The following LGSN variants were observed in gnomAD, a reference collection of about 807,000 sequenced individuals.
The protein encoded by LGSN is lengsin, lens protein with glutamine synthetase domain, also known as lengsin.
Under a neutral mutation model 19.5 loss-of-function variants are expected in LGSN, and 21 were observed. The ratio of observed to expected loss-of-function variants is 1.07; its 90% CI spans 0.76 to 1.55. The LOEUF (loss-of-function observed/expected upper bound fraction) is 1.55. LGSN is among the 40% of genes most tolerant of loss of function. The pLI is 0.00. For synonymous variants in LGSN, 257 were observed against 215.6 expected, an observed-to-expected ratio of 1.19 and a Z score of -1.68; for missense variants, 673 against 608.5, an observed-to-expected ratio of 1.11 and a Z score of -1.12.
At position 63,280,039 on chromosome 6, in the gene LGSN, G is replaced by A. The variant is rs1249872798; in HGVS notation, c.1512C>T (p.Phe504=). 6.2e-7 allele frequency: 1 copy of A among 1,603,698 alleles called. No individual in the cohort carries two copies. The highest frequency in any genetic ancestry group is 1.7e-4 in the Middle Eastern group (1 of 5,996). The change falls in exon 4 of 4, where the codon TTC becomes TTT. Residue 504 remains phenylalanine (F), a synonymous_variant. Coordinates refer to ENST00000370657, the MANE Select transcript of LGSN (RefSeq NM_016571.3). ...CTCTATTCTAAATAAAATACTCTAA[G>A]AATTTATTTCTCTCTGCAGCTATTT... is the stretch of plus-strand genomic sequence containing the variant. The part of the protein sequence containing the change: ...NEEIAAERNK[F]LEYFI
the LGSN span, among the ~76,000 whole-genome samples, chr6:63,555,227 G>A: frequency 3.3e-5 from 5 of 152,130 alleles, no homozygotes; most frequent in East Asian, 1.9e-4. Flanking sequence ...AGGCTGCCCC[G>A]AGTAGAGGTA....
chr6:63,557,699 G>T, the LGSN span, among the ~76,000 whole-genome samples: 2 of 152,256 alleles, frequency 1.3e-5, no homozygotes, highest in East Asian at 3.9e-4. Context: ...ATCACAGTTG[G>T]TTTCAAACAT....
At chr6:63,287,664 C>T (rs1017695310) in intron 2 of LGSN, among the ~76,000 whole-genome samples, 9 of 152,046 alleles carry the variant, frequency 5.9e-5, no homozygotes, top group Middle Eastern at 3.4e-3. Flanking sequence ...GCAAAGATCG[C>T]GCCACTGCAC....
the LGSN span, among the ~76,000 whole-genome samples, chr6:63,464,225 G>T: frequency 6.6e-6 from 1 of 151,984 alleles, no homozygotes; most frequent in Admixed American, 6.6e-5. Context: ...CATTGGGCAG[G>T]ACTGTGCCCA....
chr6:63,492,616 GC>G, the LGSN span, among the ~76,000 whole-genome samples: 2 of 152,190 alleles, frequency 1.3e-5, no homozygotes, highest in Non-Finnish European at 2.9e-5. Flanking sequence ...TGTGCACACG[GC>G]CCTGCTGAGG....
the LGSN span, among the ~76,000 whole-genome samples, chr6:63,411,112 T>C: frequency 9.2e-5 from 14 of 152,288 alleles, no homozygotes; most frequent in African/African-American, 3.4e-4. Context: ...CCAGAAATAC[T>C]CCAAGGGCCT....
chr6:63,483,523 G>T, the LGSN span, among the ~76,000 whole-genome samples: 7 of 151,962 alleles, frequency 4.6e-5, no homozygotes, highest in East Asian at 1.4e-3. Context: ...GCACCACCAC[G>T]CCCGGCTAAT....
At chr6:63,379,282 A>G in the LGSN span, among the ~76,000 whole-genome samples, 1 of 152,272 alleles carries the variant, frequency 6.6e-6, no homozygotes, top group South Asian at 2.1e-4. Context: ...AACAGAACCA[A>G]GAGAAGGGGA....
chr6:63,414,646 T>C, the LGSN span, among the ~76,000 whole-genome samples: 2 of 152,368 alleles, frequency 1.3e-5, no homozygotes, highest in East Asian at 3.9e-4. Context: ...GAAAATGTGC[T>C]GGGCGCGATG....
chr6:63,356,223 TCATAGTCCA>T, the LGSN span, among the ~76,000 whole-genome samples: 1 of 151,994 alleles, frequency 6.6e-6, no homozygotes, highest in East Asian at 1.9e-4. Flanking sequence ...ACAATTCAAC[TCATAGTCCA>T]CATTTAAAAA....
chr6:63,299,863 T>C (rs1474447813), intron 1 of LGSN, among the ~76,000 whole-genome samples: 1 of 152,028 alleles, frequency 6.6e-6, no homozygotes, highest in Non-Finnish European at 1.5e-5. Context: ...GTCAGAAAGG[T>C]TTATGCTGTT....
the LGSN span, among the ~76,000 whole-genome samples, chr6:63,480,940 GATATATATATATATATATATATATATAT>G: frequency 0.035 from 2,101 of 59,900 alleles, 121 homozygotes; most frequent in African/African-American, 0.087. Context: ...TAAAGAAAAT[GATATATATATATATATATATATATATAT>G]ATATATATAT....
the LGSN span, among the ~76,000 whole-genome samples, chr6:63,540,515 A>G: frequency 1.3e-5 from 2 of 151,826 alleles, no homozygotes; most frequent in East Asian, 3.9e-4. Flanking sequence ...CAGCTACTCA[A>G]GAGGCTGAGG....
the LGSN span, among the ~76,000 whole-genome samples, chr6:63,515,271 AC>A: frequency 6.6e-6 from 1 of 152,024 alleles, no homozygotes; most frequent in Non-Finnish European, 1.5e-5. Context: ...TCGCTTTGTC[AC>A]CCAGGCTAGC....
the LGSN span, among the ~76,000 whole-genome samples, chr6:63,472,797 C>T: frequency 8.6e-5 from 13 of 151,982 alleles, no homozygotes; most frequent in East Asian, 1.4e-3. Flanking sequence ...AAAAATTAGC[C>T]GGGCGTGGTG....
the LGSN span, chr6:63,549,428 C>T: frequency 4.0e-6 from 3 of 752,752 alleles, no homozygotes; most frequent in Non-Finnish European, 7.2e-6. Flanking sequence ...AGGGGATTCA[C>T]CACTTTCTTA....
chr6:63,549,543 G>A, the LGSN span: 21 of 621,936 alleles, frequency 3.4e-5, no homozygotes, highest in Middle Eastern at 4.2e-4. Context: ...TTTTAAAGGT[G>A]ATAAATGTTG....
At chr6:63,303,920 G>A (rs964249674) in intron 1 of LGSN, among the ~76,000 whole-genome samples, 1 of 152,116 alleles carries the variant, frequency 6.6e-6, no homozygotes, top group African/African-American at 2.4e-5. Context: ...TGAAGCAGAT[G>A]GCATCCTAGA....
the LGSN span, among the ~76,000 whole-genome samples, chr6:63,338,669 T>C: frequency 6.6e-6 from 1 of 152,152 alleles, no homozygotes; most frequent in Non-Finnish European, 1.5e-5. Flanking sequence ...ATCCTTTTCT[T>C]AGTCTCTATT....
Sources: allele counts gnomAD v4.1 joint callset (sites outside exome capture counted in the v4.1 genomes callset), GRCh38; gene constraint gnomAD v4.1.1; transcripts MANE v1.5; gene names NCBI Gene and HGNC (gene_info 2026-07-23, HGNC 2026-07-21).